Variants in TDRP observed in about 807,000 individuals in gnomAD.
TDRP encodes testis development-related protein.
Under a neutral mutation model 10.5 loss-of-function variants are expected in TDRP, and 12 were observed. The ratio of observed to expected loss-of-function variants is 1.15; its 90% CI spans 0.73 to 1.86. The LOEUF (loss-of-function observed/expected upper bound fraction) is 1.86. TDRP is among the 40% of genes most tolerant of loss of function. The pLI is 0.00. For missense variants in TDRP, 353 were observed against 229.2 expected (o/e 1.54, Z -3.49); for synonymous variants, 139 against 95.4 (o/e 1.46, Z -2.67).
At chr8:523,259 C>A (rs781727478) in intron 1 of TDRP, among the ~76,000 whole-genome samples, 8 of 152,088 alleles carry the variant, frequency 5.3e-5, no homozygotes, top group African/African-American at 1.4e-4. Context: ...TTTAACTTAA[C>A]CCCGCATATA....
chr8:524,197 T>A (rs562957239), intron 1 of TDRP, among the ~76,000 whole-genome samples: 1 of 152,156 alleles, frequency 6.6e-6, no homozygotes, highest in Admixed American at 6.5e-5. Context: ...CAAAACCAAG[T>A]TGGTATGTCT....
intron 1 of TDRP, among the ~76,000 whole-genome samples, chr8:504,415 T>C (rs775871454): frequency 1.3e-5 from 2 of 151,810 alleles, no homozygotes; most frequent in Non-Finnish European, 2.9e-5. Context: ...CTGAAGTCAG[T>C]GGGGGGAGGC....
intron 1 of TDRP, among the ~76,000 whole-genome samples, chr8:501,480 G>A (rs990944847): frequency 2.0e-5 from 3 of 151,792 alleles, no homozygotes; most frequent in African/African-American, 7.3e-5. Flanking sequence ...CTGAGTAGCT[G>A]GAATTACAGG....
At chr8:541,282 C>A (rs1802489255) in intron 1 of TDRP, among the ~76,000 whole-genome samples, 1 of 152,076 alleles carries the variant, frequency 6.6e-6, no homozygotes, top group Admixed American at 6.6e-5. Context: ...CTTTGGATAA[C>A]CTTAATAAAG....
chr8:502,977 A>C (rs533717309), intron 1 of TDRP, among the ~76,000 whole-genome samples: 51 of 146,466 alleles, frequency 3.5e-4, no homozygotes, highest in African/African-American at 1.2e-3. Flanking sequence ...ATCTCAGCAC[A>C]CGTCAACACA....
chr8:491,169 A>G lies in TDRP; in HGVS notation c.*1230T>C, dbSNP rs935903997. 6.5e-6 allele frequency: 1 copy of G among 153,786 alleles called. No homozygotes were observed. Among genetic ancestry groups the G allele is most frequent in the African/African-American group, 2.4e-5 (1 of 41,544 alleles). 9.5% of individuals were successfully genotyped at this position (153,786 alleles called of 1,614,324 possible). A position where few individuals can be genotyped will look rare whatever the true frequency, so the allele number is the denominator to read the frequency against. ...AGGAACAAACGGAAGGAACATCCACATGCATGAAACAGCACAGGAGTGCAT... is the reference window on the plus strand; with the variant it reads ...AGGAACAAACGGAAGGAACATCCACGTGCATGAAACAGCACAGGAGTGCAT... On this transcript the variant is annotated 3_prime_UTR_variant, in exon 3 of 3. Transcript: ENST00000324079.
At chr8:513,089 T>C (rs1801661386) in intron 1 of TDRP, among the ~76,000 whole-genome samples, 1 of 144,778 alleles carries the variant, frequency 6.9e-6, no homozygotes, top group Non-Finnish European at 1.5e-5. Context: ...AAAGAATTAA[T>C]ACCAATTCTT....
intron 1 of TDRP, among the ~76,000 whole-genome samples, chr8:498,670 G>A (rs1801202185): frequency 6.6e-6 from 1 of 152,130 alleles, no homozygotes; most frequent in African/African-American, 2.4e-5. Flanking sequence ...TGAAATGTAA[G>A]AAGAACATTA....
intron 1 of TDRP, among the ~76,000 whole-genome samples, chr8:529,186 T>G (rs778364030): frequency 6.6e-6 from 1 of 152,162 alleles, no homozygotes; most frequent in Non-Finnish European, 1.5e-5. Context: ...AACACCCTCA[T>G]AGACATACCC....
intron 2 of TDRP, 52 bp downstream of exon 2, chr8:494,442 T>A (rs918952224): frequency 6.4e-7 from 1 of 1,556,152 alleles, no homozygotes. Flanking sequence ...ACCTCCTCAG[T>A]GACTTCCTCC....
chr8:537,113 C>G (rs930690306), intron 1 of TDRP, among the ~76,000 whole-genome samples: 1 of 152,220 alleles, frequency 6.6e-6, no homozygotes, highest in African/African-American at 2.4e-5. Flanking sequence ...CATCAGGTGC[C>G]GTAATGTGGA....
At chr8:493,962 T>C (rs567317595) in intron 2 of TDRP, among the ~76,000 whole-genome samples, 45 of 151,744 alleles carry the variant, frequency 3.0e-4, no homozygotes, top group Non-Finnish European at 6.0e-4. Context: ...GTTTCTTTTT[T>C]TTTCATCGAA....
In TDRP at chr8:492,687, G is replaced by C. The variant is rs1264401772; in HGVS notation, c.270C>G (p.Asp90Glu). ...LKAEKKSGFW[D>E]NLVLKQNIQS... The stretch of plus-strand genomic sequence containing the variant: ...GTATATTCTGTTTTAAAACCAAATT[G>C]TCCCAAAATCCAGATTTCTTCTCTG... Residue 90 changes from aspartate to glutamate, a missense_variant, in exon 3 of 3, where the codon GAC becomes GAG. Physicochemically the swap from Asp to Glu is conservative, Grantham distance 45. Coordinates refer to ENST00000324079, the MANE Select transcript of TDRP (RefSeq NM_001384899.1). 1.2e-6 allele frequency: 2 copies of C among 1,613,742 alleles called. No individual in the cohort carries two copies. Among genetic ancestry groups the C allele is most frequent in the Admixed American group, 3.3e-5 (2 of 59,968 alleles).
rs896566841 is a variant in TDRP at position 494,538 on chromosome 8, A to T, written c.168T>A (p.Asp56Glu). 1 of 1,613,966 alleles carries T rather than the reference A, an allele frequency of 6.2e-7. No individual in the cohort carries two copies. Among genetic ancestry groups the T allele is most frequent in the South Asian group, 1.1e-5 (1 of 91,080 alleles). Residue 56 changes from aspartate (D) to glutamate (E), a missense_variant, in exon 2 of 3, where the codon GAT (aspartate) becomes GAA (glutamate). Physicochemically the swap from Asp to Glu is conservative, Grantham distance 45. Transcript: ENST00000324079. ...TACATCTTTCCAGGAGATGCTGCTC[A>T]TCATCTTTGTTAAACAGTGAAGTCA... is the stretch of plus-strand genomic sequence containing the variant. ...KEVTSLFNKDDEQHLLERCKS... is the reference protein window; with the variant it reads ...KEVTSLFNKDEEQHLLERCKS...
chr8:497,580 G>C (rs1351565143), intron 1 of TDRP, among the ~76,000 whole-genome samples: 1 of 152,216 alleles, frequency 6.6e-6, no homozygotes, highest in Non-Finnish European at 1.5e-5. Context: ...AAAATTTGCA[G>C]CCTGACCCTG....
chr8:514,125 TC>T (rs1205784352), intron 1 of TDRP, among the ~76,000 whole-genome samples: 1 of 152,300 alleles, frequency 6.6e-6, no homozygotes, highest in Admixed American at 6.5e-5. Flanking sequence ...AACAGGGGAT[TC>T]AAGCCAAAAT....
At position 537,388 on chromosome 8, in the gene TDRP, G is replaced by C. The variant is rs148976205; in HGVS notation, c.108+7262C>G. Among the ~76,000 whole-genome samples the C allele has an allele frequency of 4.3e-4, 65 of 152,328 alleles. 1 individual carries two copies. The highest frequency in any genetic ancestry group is 6.8e-3 in the Middle Eastern group (2 of 294). ...ACTCGGGCAATGAGCACATTCCAGAGCAAGGGATACCAGAAAACCAAATCC... is the reference window on the plus strand; with the variant it reads ...ACTCGGGCAATGAGCACATTCCAGACCAAGGGATACCAGAAAACCAAATCC... On this transcript the variant is annotated intron_variant, in intron 1 of 2. Transcript: ENST00000324079.
chr8:494,829 C>G, intron 1 of TDRP: 2 of 419,602 alleles, frequency 4.8e-6, no homozygotes, highest in South Asian at 3.7e-5. Flanking sequence ...GCTGAGTAAT[C>G]TAAATTTAGT....
Position 489,992 on chromosome 8 carries a change from G to A in TDRP, c.*2407C>T, listed in dbSNP as rs1410588759. ...ATTTTTAAAAAACCTCAACATTAAG[G>A]AGGAACCCTTCTCTGAAGCACATCA... On this transcript the variant is annotated 3_prime_UTR_variant, in exon 3 of 3. Coordinates refer to ENST00000324079, the MANE Select transcript of TDRP (RefSeq NM_001384899.1). 2.0e-5 allele frequency: 3 copies of A among 152,052 alleles called. 1 individual carries two copies. Among genetic ancestry groups the A allele is most frequent in the Admixed American group, 6.6e-5 (1 of 15,264 alleles). The allele number at this position is 152,052 out of a possible 1,614,324, so 9.4% of individuals were successfully genotyped here.
Sources: gnomAD v4.1 joint callset for allele counts (sites outside exome capture counted in the v4.1 genomes callset) on GRCh38, gnomAD v4.1.1 for gene constraint, MANE v1.5 for transcripts, NCBI Gene and HGNC (gene_info 2026-07-23, HGNC 2026-07-21) for gene names.